SLC30A3: variants seen among roughly 807,000 people sequenced by gnomAD.
SLC30A3 encodes probable proton-coupled zinc antiporter SLC30A3.
In SLC30A3, 20 loss-of-function variants were observed where a neutral mutation model predicts 35.6. The ratio of observed to expected loss-of-function variants is 0.56; its 90% CI spans 0.39 to 0.82. The LOEUF (loss-of-function observed/expected upper bound fraction) is 0.82, where lower values mean the gene tolerates loss of function less well. Ranked by LOEUF, SLC30A3 falls within the 40% of genes least tolerant of loss-of-function variation. SLC30A3 has a pLI of 0.00. For missense variants in SLC30A3, 401 were observed against 530.6 expected, an observed-to-expected ratio of 0.76 and a Z score of 2.40; for synonymous variants, 217 against 224.7, an observed-to-expected ratio of 0.97 and a Z score of 0.31.
At chr2:27,263,261 C>G (rs754572143), upstream of SLC30A3, 1 of 518,204 alleles carries the variant, frequency 1.9e-6, no homozygotes, top group Non-Finnish European at 3.5e-6. Context: ...CCCCGTCCCC[C>G]AGGCGAGCTA....
In SLC30A3 at chr2:27,257,871, C is replaced by T. The variant is rs1370867343; in HGVS notation, c.578+34G>A. On this transcript the variant is annotated intron_variant, in intron 4 of 7. Coordinates refer to ENST00000233535, the MANE Select transcript of SLC30A3 (RefSeq NM_003459.5). The surrounding 1 kb of genome is among the most constrained non-coding windows in gnomAD (Gnocchi z 4.7). ...CTGGAGGAAGACCCCTCGCCCTGGG[C>T]CCCACAAGGTGCCTGCTCCATACTG... The T allele has an allele frequency of 6.3e-7, 1 of 1,593,612 alleles. No homozygotes were observed. Among genetic ancestry groups the T allele is most frequent in the East Asian group, 2.3e-5 (1 of 44,106 alleles).
upstream of SLC30A3, chr2:27,263,128 T>A (rs1677314077): frequency 7.4e-7 from 1 of 1,342,294 alleles, no homozygotes; most frequent in Admixed American, 3.9e-5. Flanking sequence ...AAGCTCCGCC[T>A]CCAGGCTCCC....
chr2:27,255,453 G>A lies in SLC30A3; in HGVS notation c.1026C>T (p.Thr342=), dbSNP rs762998593. Residue 342 remains threonine, a synonymous_variant, in exon 8 of 8, where the codon ACC becomes ACT. Transcript: ENST00000233535. The surrounding 1 kb of genome is among the most constrained non-coding windows in gnomAD (Gnocchi z 5.2). ...CAGCCAGGACGGCTTCAGGGTCAGC[G>A]GTGGAGTCTGTGGGAGAGTGATAAG... ...VASAHLAIDS[T]ADPEAVLAEA... 5.6e-5 allele frequency: 90 copies of A among 1,613,086 alleles called. No homozygotes were observed. In the East Asian group the frequency reaches 8.0e-4, roughly 14 times the overall value.
Position 27,262,990 on chromosome 2 carries a change from A to AC in SLC30A3, c.-85dup. ...CGCGCCAAGTCCGAGCAGCCCGCCG[A>AC]CCCCCGGGATCCCCGCAGGGCGGCG... On this transcript the variant is annotated 5_prime_UTR_variant, in exon 1 of 8. Coordinates refer to ENST00000233535, the MANE Select transcript of SLC30A3 (RefSeq NM_003459.5). This position sits in a 1 kb window ranked among gnomAD's most constrained non-coding sequence, Gnocchi z 7.5. 2.1e-6 allele frequency: 3 copies of AC among 1,417,952 alleles called. No individual in the cohort carries two copies. The highest frequency in any genetic ancestry group is 2.7e-6 in the Non-Finnish European group (3 of 1,093,708). 87.8% of individuals were successfully genotyped at this position (1,417,952 alleles called of 1,614,324 possible).
upstream of SLC30A3, chr2:27,264,140 G>T: frequency 9.4e-7 from 1 of 1,064,080 alleles, no homozygotes; most frequent in Non-Finnish European, 1.3e-6. The surrounding 1 kb of genome is among the most constrained non-coding windows in gnomAD (Gnocchi z 6.1). Context: ...GACAGTCTGT[G>T]AAGAGGAGGG....
chr2:27,267,857 C>T (rs1409705101), upstream of SLC30A3, among the ~76,000 whole-genome samples: 1 of 151,750 alleles, frequency 6.6e-6, no homozygotes, highest in Non-Finnish European at 1.5e-5. Context: ...ATCACTCAAA[C>T]CTGGAAGGCG....
At chr2:27,260,873 G>C (rs1677144439) in intron 1 of SLC30A3, among the ~76,000 whole-genome samples, 1 of 152,312 alleles carries the variant, frequency 6.6e-6, no homozygotes, top group South Asian at 2.1e-4. Flanking sequence ...TGGTGAAGGA[G>C]GCTGTGAAAC....
upstream of SLC30A3, chr2:27,264,222 GCAAGA>G (rs1471456277): frequency 2.3e-6 from 1 of 439,800 alleles, no homozygotes; most frequent in African/African-American, 2.0e-5. The surrounding 1 kb of genome is among the most constrained non-coding windows in gnomAD (Gnocchi z 6.1). Context: ...GTGAGCCCAG[GCAAGA>G]AACTCATCAG....
Position 27,257,766 on chromosome 2 carries a change from G to A in SLC30A3, c.578+139C>T. ...GGTCTCTATCCCAGACCCTTCTCAG[G>A]CACACGCAGGGCAGCCCATGGAGAG... is the stretch of plus-strand genomic sequence containing the variant. On this transcript the variant is annotated intron_variant, in intron 4 of 7. Transcript: ENST00000233535. This position sits in a 1 kb window ranked among gnomAD's most constrained non-coding sequence, Gnocchi z 4.7. 1 of 857,206 alleles carries A rather than the reference G, an allele frequency of 1.2e-6. No homozygotes were observed. Among genetic ancestry groups the A allele is most frequent in the Non-Finnish European group, 1.8e-6 (1 of 553,230 alleles). The allele number at this position is 857,206 out of a possible 1,614,324, so 53.1% of individuals were successfully genotyped here.
At chr2:27,263,079 C>CTT (rs1677309793), upstream of SLC30A3, 26 of 1,350,628 alleles carry the variant, frequency 1.9e-5, no homozygotes, top group Non-Finnish European at 2.4e-5. Flanking sequence ...GCAGATCCCG[C>CTT]TGCCGCCGGA....
intron 1 of SLC30A3, among the ~76,000 whole-genome samples, chr2:27,268,575 A>C (rs1677595791): frequency 6.6e-6 from 1 of 152,132 alleles, no homozygotes; most frequent in Non-Finnish European, 1.5e-5. Flanking sequence ...AACACAGTGA[A>C]ACCCCGTCTC....
intron 1 of SLC30A3, 128 bp from the exon 2 acceptor site, chr2:27,259,062 T>C: frequency 1.4e-6 from 1 of 723,128 alleles, no homozygotes; most frequent in East Asian, 2.8e-5. Context: ...ATCTGGGAGC[T>C]GCATCGGCAG....
chr2:27,266,481 G>C (rs115212007), upstream of SLC30A3, among the ~76,000 whole-genome samples: 571 of 152,110 alleles, frequency 3.8e-3, 3 homozygotes, highest in African/African-American at 0.013. Flanking sequence ...CCAGTTTCTG[G>C]TCTTTAAATA....
rs368038300 is a variant in SLC30A3 at position 27,256,264 on chromosome 2, G to C, written c.1018+122C>G. ...TGTATGTGTCTATGTGAGAGAGAGA[G>C]ACACAGAGAAACAGAGACAGATCAA... On this transcript the variant is annotated intron_variant, in intron 7 of 7. Coordinates refer to ENST00000233535, the MANE Select transcript of SLC30A3 (RefSeq NM_003459.5). 37 of 1,144,490 alleles carry C rather than the reference G, an allele frequency of 3.2e-5. 1 individual carries two copies. The highest frequency in any genetic ancestry group is 2.6e-4 in the African/African-American group (17 of 65,822). The allele number at this position is 1,144,490 out of a possible 1,614,324, so 70.9% of individuals were successfully genotyped here.
At chr2:27,275,322 G>C in exon 1 of SLC30A3, 1 of 823,326 alleles carries the variant, frequency 1.2e-6, no homozygotes, top group South Asian at 1.4e-5. Context: ...ACGCTGCCTT[G>C]GGCCGCAGGC....
chr2:27,265,868 A>G (rs1677475353), upstream of SLC30A3, among the ~76,000 whole-genome samples: 1 of 152,092 alleles, frequency 6.6e-6, no homozygotes, highest in African/African-American at 2.4e-5. This position sits in a 1 kb window ranked among gnomAD's most constrained non-coding sequence, Gnocchi z 5.9. Flanking sequence ...TCCTCAATTA[A>G]GCCATCCCAG....
Position 27,255,091 on chromosome 2 carries a change from C to T in SLC30A3, c.*221G>A. ...TGGGAGTCCCCGCCCCTGAACTAGT[C>T]ACATCTATTCCCCTGACTCCCACCC... is the stretch of plus-strand genomic sequence containing the variant. On this transcript the variant is annotated 3_prime_UTR_variant, in exon 8 of 8. Coordinates refer to ENST00000233535, the MANE Select transcript of SLC30A3 (RefSeq NM_003459.5). The surrounding 1 kb of genome is among the most constrained non-coding windows in gnomAD (Gnocchi z 5.2). 6.6e-7 allele frequency: 1 copy of T among 1,507,584 alleles called. No homozygotes were observed. Among genetic ancestry groups the T allele is most frequent in the Non-Finnish European group, 8.8e-7 (1 of 1,130,384 alleles). The allele number at this position is 1,507,584 out of a possible 1,614,324, so 93.4% of individuals were successfully genotyped here.
chr2:27,256,543 C>G, intron 6 of SLC30A3, 23 bp from the exon 7 acceptor site: 1 of 1,613,786 alleles, frequency 6.2e-7, no homozygotes, highest in Non-Finnish European at 8.5e-7. Context: ...CCAGTCATGC[C>G]TTACTGCTAG....
chr2:27,256,365 G>C (rs1433406639), intron 7 of SLC30A3, 21 bp downstream of exon 7: 2 of 1,613,268 alleles, frequency 1.2e-6, no homozygotes, highest in Non-Finnish European at 1.7e-6. Flanking sequence ...GTAGTAACTA[G>C]CTGGGGCCAG....
Sources: allele counts gnomAD v4.1 joint callset (sites outside exome capture counted in the v4.1 genomes callset), GRCh38; gene constraint gnomAD v4.1.1; non-coding constraint Gnocchi (gnomAD v3.1); transcripts MANE v1.5; gene names NCBI Gene and HGNC (gene_info 2026-07-23, HGNC 2026-07-21).